The following DNER variants were observed in gnomAD, a reference collection of about 807,000 sequenced individuals.
DNER encodes delta/notch like EGF repeat containing, also known as delta and Notch-like epidermal growth factor-related receptor.
A neutral mutation model predicts 78.2 loss-of-function variants in DNER; 33 were observed. The ratio of observed to expected loss-of-function variants is 0.42; its 90% CI spans 0.32 to 0.56. The LOEUF is 0.56. Ranked by LOEUF, DNER falls within the 20% of genes least tolerant of loss-of-function variation. DNER has a pLI of 0.11. For synonymous variants in DNER, 417 were observed against 384.8 expected, an observed-to-expected ratio of 1.08 and a Z score of -0.98; for missense variants, 918 against 975.3, an observed-to-expected ratio of 0.94 and a Z score of 0.78.
intron 8 of DNER, among the ~76,000 whole-genome samples, chr2:229,439,328 C>T (rs745602452): frequency 9.2e-5 from 14 of 152,184 alleles, no homozygotes; most frequent in African/African-American, 1.2e-4. Context: ...TCCCAAGTAA[C>T]GGAATATCCA....
chr2:229,522,576 T>C (rs958911370), intron 5 of DNER, among the ~76,000 whole-genome samples: 1 of 152,220 alleles, frequency 6.6e-6, no homozygotes, highest in Non-Finnish European at 1.5e-5. Flanking sequence ...TAAAATTCCA[T>C]TTAGCCCTCT....
intron 6 of DNER, among the ~76,000 whole-genome samples, chr2:229,510,678 C>T (rs185960997): frequency 8.5e-5 from 13 of 152,182 alleles, no homozygotes; most frequent in African/African-American, 3.1e-4. Context: ...GCTGGGAACA[C>T]GATGAGTTCA....
chr2:229,611,859 G>T (rs542330603), intron 1 of DNER, among the ~76,000 whole-genome samples: 3 of 152,140 alleles, frequency 2.0e-5, no homozygotes, highest in Non-Finnish European at 4.4e-5. Flanking sequence ...ACACAGTGTC[G>T]GTGGGATGTT....
At position 229,687,409 on chromosome 2, in the gene DNER, G is replaced by A. The variant is rs867046455; in HGVS notation, c.276+26739C>T. Among the ~76,000 whole-genome samples the A allele has an allele frequency of 2.6e-5, 4 of 151,606 alleles. 1 individual carries two copies. In the South Asian group the frequency reaches 6.3e-4, roughly 24 times the overall value. ...CTCCTGAGTAGCTGGGACTACAGGC[G>A]TCTACCACCACACCCAGCTAATTTT... On this transcript the variant is annotated intron_variant, in intron 1 of 12. Coordinates refer to ENST00000341772, the MANE Select transcript of DNER (RefSeq NM_139072.4).
chr2:229,503,261 G>T (rs765814264), intron 6 of DNER, among the ~76,000 whole-genome samples: 2 of 151,996 alleles, frequency 1.3e-5, no homozygotes, highest in Non-Finnish European at 2.9e-5. Context: ...GGTAAAAATG[G>T]TTCACTAGTT....
chr2:229,537,265 G>C (rs1378436489), intron 5 of DNER, among the ~76,000 whole-genome samples: 1 of 152,156 alleles, frequency 6.6e-6, no homozygotes, highest in African/African-American at 2.4e-5. Flanking sequence ...TCTACCTGCT[G>C]CCTGTTTTTT....
chr2:229,542,775 CAAAA>C (rs56738752), intron 5 of DNER, among the ~76,000 whole-genome samples: 64 of 88,256 alleles, frequency 7.3e-4, no homozygotes, highest in Non-Finnish European at 8.7e-4. Context: ...CCCAAGTAGG[CAAAA>C]AAAAAAAAAA....
chr2:229,500,677 A>G (rs949811339), intron 6 of DNER, among the ~76,000 whole-genome samples: 44 of 152,338 alleles, frequency 2.9e-4, no homozygotes, highest in African/African-American at 9.1e-4. Context: ...TGTGGTGTAT[A>G]TATACACAAT....
intron 7 of DNER, among the ~76,000 whole-genome samples, chr2:229,448,540 T>G (rs1438402362): frequency 2.0e-5 from 3 of 152,218 alleles, no homozygotes; most frequent in African/African-American, 7.2e-5. Context: ...TAAATAAAAT[T>G]TTATGTTATA....
intron 11 of DNER, among the ~76,000 whole-genome samples, chr2:229,382,975 A>G (rs1692778844): frequency 1.3e-5 from 2 of 152,252 alleles, no homozygotes; most frequent in Non-Finnish European, 1.5e-5. Context: ...ATTCACCACA[A>G]TTGAAATGAA....
intron 1 of DNER, among the ~76,000 whole-genome samples, chr2:229,688,846 A>G (rs1055480166): frequency 6.6e-6 from 1 of 152,210 alleles, no homozygotes; most frequent in Non-Finnish European, 1.5e-5. Context: ...ATTTACAGGG[A>G]CATGGAGCTG....
intron 8 of DNER, among the ~76,000 whole-genome samples, chr2:229,431,935 C>T (rs904567518): frequency 2.4e-4 from 37 of 152,278 alleles, no homozygotes; most frequent in African/African-American, 8.9e-4. Flanking sequence ...TTCTCTACAG[C>T]TTGCAAATTC....
intron 9 of DNER, among the ~76,000 whole-genome samples, chr2:229,417,811 T>G (rs1014460539): frequency 6.6e-6 from 1 of 152,206 alleles, no homozygotes; most frequent in Non-Finnish European, 1.5e-5. Flanking sequence ...CTCTAACCTA[T>G]GTCTGACAGT....
chr2:229,462,959 TA>T (rs1486209833), intron 7 of DNER, among the ~76,000 whole-genome samples: 2 of 152,136 alleles, frequency 1.3e-5, no homozygotes, highest in Admixed American at 6.5e-5. Flanking sequence ...ATTTTTGACA[TA>T]AGTGTTAGAC....
chr2:229,361,818 G>A (rs1461546528), intron 12 of DNER, among the ~76,000 whole-genome samples: 3 of 145,988 alleles, frequency 2.1e-5, no homozygotes, highest in Non-Finnish European at 4.5e-5. Context: ...GATAGTCTGT[G>A]TAATGTTTTA....
chr2:229,563,083 T>A (rs1329542346), intron 4 of DNER, among the ~76,000 whole-genome samples: 2 of 146,346 alleles, frequency 1.4e-5, no homozygotes, highest in Non-Finnish European at 1.5e-5. Context: ...CCCATCACCA[T>A]CATCATCAAC....
At chr2:229,702,721 C>T (rs916469988) in intron 1 of DNER, among the ~76,000 whole-genome samples, 3 of 151,006 alleles carry the variant, frequency 2.0e-5, no homozygotes, top group Non-Finnish European at 1.5e-5. Context: ...ATCGAGACCA[C>T]CCTGGCTAAC....
chr2:229,621,793 G>A (rs182268042), intron 1 of DNER, among the ~76,000 whole-genome samples: 21 of 152,244 alleles, frequency 1.4e-4, no homozygotes, highest in African/African-American at 4.6e-4. Flanking sequence ...TATTGAAATT[G>A]CATATAAAAG....
rs557693589 is a variant in DNER, at chr2:229,493,096, A to T, written c.1148-15843T>A. Reference sequence around the variant, plus strand: ...ATTTGTCTCCAGCAGGAGGTGACCCATTTCAAACCAACAACGCAAAGGCAC... The same window carrying T: ...ATTTGTCTCCAGCAGGAGGTGACCCTTTTCAAACCAACAACGCAAAGGCAC... On this transcript the variant is annotated intron_variant, in intron 6 of 12. Coordinates refer to ENST00000341772, the MANE Select transcript of DNER (RefSeq NM_139072.4). Among the ~76,000 whole-genome samples the T allele has an allele frequency of 1.6e-3, 250 of 152,332 alleles. 2 individuals carry two copies. The highest frequency in any genetic ancestry group is 5.8e-3 in the African/African-American group (242 of 41,566).
Sources: allele counts gnomAD v4.1 joint callset (sites outside exome capture counted in the v4.1 genomes callset), GRCh38; gene constraint gnomAD v4.1.1; transcripts MANE v1.5; gene names NCBI Gene and HGNC (gene_info 2026-07-23, HGNC 2026-07-21).